The following NEDD1 variants were observed in gnomAD, a reference collection of about 807,000 sequenced individuals.
NEDD1 encodes protein NEDD1.
Under a neutral mutation model 74.0 loss-of-function variants are expected in NEDD1, and 33 were observed. The ratio of observed to expected loss-of-function variants is 0.45; its 90% CI spans 0.34 to 0.60. NEDD1 has a LOEUF of 0.60. Among genes scored for constraint, NEDD1 ranks in the 20% least tolerant of loss-of-function variants. NEDD1 has a pLI of 0.01. For synonymous variants in NEDD1, 250 were observed against 264.4 expected, an observed-to-expected ratio of 0.95 and a Z score of 0.53; for missense variants, 746 against 776.5, an observed-to-expected ratio of 0.96 and a Z score of 0.47.
At chr12:96,930,298 A>G (rs190903940) in intron 6 of NEDD1, among the ~76,000 whole-genome samples, 12 of 150,522 alleles carry the variant, frequency 8.0e-5, no homozygotes, top group African/African-American at 2.9e-4. Flanking sequence ...GTCATTCTCT[A>G]GGAGAACTCA....
At chr12:96,911,728 G>A (rs981712632) in intron 3 of NEDD1, among the ~76,000 whole-genome samples, 11 of 152,106 alleles carry the variant, frequency 7.2e-5, no homozygotes, top group Admixed American at 6.5e-4. Flanking sequence ...ACAGGAAGAA[G>A]TCAAGGAAAG....
At chr12:96,946,434 C>T (rs145290611) in intron 14 of NEDD1, among the ~76,000 whole-genome samples, 5 of 151,936 alleles carry the variant, frequency 3.3e-5, no homozygotes, top group African/African-American at 1.2e-4. Flanking sequence ...TGCCTTTTTT[C>T]CTTTCTAACC....
rs1463730055 is a variant in NEDD1, at chr12:96,953,653, AAGT to A, written c.*1602_*1604del. ...ATTTTTGTCATGGAATTTAAAAGCT[AAGT>A]AAGTATAAAAAATAAAATGTTATAT... On this transcript the variant is annotated 3_prime_UTR_variant, in exon 16 of 16. Coordinates refer to ENST00000266742, the MANE Select transcript of NEDD1 (RefSeq NM_152905.4). The A allele has an allele frequency of 1.3e-5, 2 of 151,880 alleles. No homozygotes were observed. The highest frequency in any genetic ancestry group is 4.1e-4 in the South Asian group (2 of 4,828). 9.4% of individuals were successfully genotyped at this position (151,880 alleles called of 1,614,324 possible). A position where few individuals can be genotyped will look rare whatever the true frequency, so the allele number is the denominator to read the frequency against.
intron 14 of NEDD1, among the ~76,000 whole-genome samples, chr12:96,947,422 A>G (rs553090419): frequency 7.0e-4 from 106 of 152,286 alleles, no homozygotes; most frequent in African/African-American, 2.3e-3. Flanking sequence ...ATGATCATAC[A>G]TTCTAGGAAT....
rs758497116 is a variant in NEDD1 at position 96,945,756 on chromosome 12, A to G, written c.1718A>G (p.Asp573Gly). The G allele has an allele frequency of 1.2e-6, 2 of 1,608,534 alleles. No individual in the cohort carries two copies. The highest frequency in any genetic ancestry group is 1.7e-5 in the Admixed American group (1 of 60,002). The change falls in exon 14 of 16, where the codon GAC becomes GGC. Residue 573 changes from aspartate to glycine, a missense_variant. By Grantham distance (94) the Asp-to-Gly change is moderately conservative. Around this residue, in one of 3 missense-constraint regions of NEDD1, gnomAD observed 706 missense variants for 706.7 expected, o/e 1.00. Coordinates refer to ENST00000266742, the MANE Select transcript of NEDD1 (RefSeq NM_152905.4). Reference protein sequence around the residue: ...VASSLSEKIADSIGNNRQNAP... With the variant: ...VASSLSEKIAGSIGNNRQNAP... The stretch of plus-strand genomic sequence containing the variant: ...AGTTCACTCTCAGAAAAAATAGCCG[A>G]CAGCATTGGAAATAACCGGCAAAAT...
intron 9 of NEDD1, 147 bp downstream of exon 9, chr12:96,937,540 C>T: frequency 2.2e-6 from 1 of 453,070 alleles, no homozygotes; most frequent in Non-Finnish European, 3.9e-6. Flanking sequence ...AAGTGAAAAT[C>T]ATTGAAGAAG....
rs1874586728 is a variant in NEDD1, at chr12:96,917,486, A to C, written c.232-135A>C. 3 of 1,009,964 alleles carry C rather than the reference A, an allele frequency of 3.0e-6. No individual in the cohort carries two copies. The South Asian group carries it at 1.2e-4, about 39-fold the overall frequency. 62.6% of individuals were successfully genotyped at this position (1,009,964 alleles called of 1,614,324 possible). On this transcript the variant is annotated intron_variant, in intron 4 of 15. Coordinates refer to ENST00000266742, the MANE Select transcript of NEDD1 (RefSeq NM_152905.4). ...AAAGACGATGAGAGAGTGGCTCTTT[A>C]GTACAAGATTAGCATGTTTATAGTA...
chr12:96,939,609 C>A (rs913601225), intron 9 of NEDD1, among the ~76,000 whole-genome samples: 3 of 152,008 alleles, frequency 2.0e-5, no homozygotes, highest in African/African-American at 7.2e-5. Context: ...TGCTACCAAT[C>A]CTGATGGCAG....
chr12:96,909,654 T>G, intron 2 of NEDD1, 98 bp from the exon 3 acceptor site: 72 of 920,936 alleles, frequency 7.8e-5, no homozygotes, highest in Non-Finnish European at 1.1e-4. Flanking sequence ...CAAAAATGAA[T>G]GAGTTAGAGC....
chr12:96,940,373 G>A lies in NEDD1; in HGVS notation c.1118-36G>A, dbSNP rs766644732. 3.8e-6 allele frequency: 5 copies of A among 1,332,364 alleles called. No homozygotes were observed. In the South Asian group the frequency reaches 6.9e-5, roughly 18 times the overall value. 82.5% of individuals were successfully genotyped at this position (1,332,364 alleles called of 1,614,324 possible). On this transcript the variant is annotated intron_variant, in intron 9 of 15. Transcript: ENST00000266742. ...AGCTTATGATAAAATTTATTTAGATGTAATAACATTGATTTTTATATCTAA... is the reference window on the plus strand; with the variant it reads ...AGCTTATGATAAAATTTATTTAGATATAATAACATTGATTTTTATATCTAA...
chr12:96,940,126 C>T (rs1439176083), intron 9 of NEDD1, among the ~76,000 whole-genome samples: 1 of 151,942 alleles, frequency 6.6e-6, no homozygotes, highest in Non-Finnish European at 1.5e-5. Flanking sequence ...AACAAAATGG[C>T]TAAAATAAGG....
At chr12:96,944,984 T>G (rs1463213322) in intron 13 of NEDD1, among the ~76,000 whole-genome samples, 189 bp downstream of exon 13, 1 of 152,130 alleles carries the variant, frequency 6.6e-6, no homozygotes, top group African/African-American at 2.4e-5. Context: ...TAAATTCAGG[T>G]ACGTTGATTT....
rs114936675 is a variant in NEDD1 at position 96,953,407 on chromosome 12, A to C, written c.*1354A>C. 6.6e-6 allele frequency: 1 copy of C among 151,884 alleles called. No individual in the cohort carries two copies. Among genetic ancestry groups the C allele is most frequent in the African/African-American group, 2.4e-5 (1 of 41,516 alleles). 9.4% of individuals were successfully genotyped at this position (151,884 alleles called of 1,614,324 possible). ...TGAAGCATATAGGGATGTTAATGTG[A>C]TCTTTTCCTGACAGATTATGAAAGC... On this transcript the variant is annotated 3_prime_UTR_variant, in exon 16 of 16. Transcript: ENST00000266742.
At chr12:96,917,558 G>T in intron 4 of NEDD1, 63 bp from the exon 5 acceptor site, 1 of 1,446,094 alleles carries the variant, frequency 6.9e-7, no homozygotes, top group Non-Finnish European at 9.1e-7. Context: ...TGTTGGATGA[G>T]ACCTGAAAGT....
At chr12:96,909,947 G>T in intron 3 of NEDD1, 52 bp downstream of exon 3, 1 of 1,555,576 alleles carries the variant, frequency 6.4e-7, no homozygotes, top group Non-Finnish European at 8.7e-7. Flanking sequence ...CCGCTTATTA[G>T]GTTAAACAAC....
chr12:96,920,929 T>G (rs1875010677), intron 6 of NEDD1, among the ~76,000 whole-genome samples: 1 of 151,480 alleles, frequency 6.6e-6, no homozygotes, highest in Non-Finnish European at 1.5e-5. Context: ...AAAGTCTTTT[T>G]TAAGTTTCAT....
intron 6 of NEDD1, among the ~76,000 whole-genome samples, chr12:96,928,556 C>T (rs1352124499): frequency 6.6e-6 from 1 of 151,438 alleles, no homozygotes; most frequent in East Asian, 1.9e-4. Context: ...CCTTTTAAGT[C>T]ACTAGTTTTT....
chr12:96,941,121 A>T (rs146051503), intron 10 of NEDD1, among the ~76,000 whole-genome samples: 1 of 152,118 alleles, frequency 6.6e-6, no homozygotes, highest in Non-Finnish European at 1.5e-5. Context: ...TATTAATAAC[A>T]TGGATACATT....
intron 5 of NEDD1, 89 bp from the exon 6 acceptor site, chr12:96,919,896 A>G (rs913769944): frequency 3.8e-6 from 3 of 786,576 alleles, no homozygotes; most frequent in African/African-American, 3.5e-5. Flanking sequence ...AGATTGATAA[A>G]TACATAATGT....
Sources: gnomAD v4.1 joint callset for allele counts (sites outside exome capture counted in the v4.1 genomes callset) on GRCh38, gnomAD v4.1.1 for gene constraint, gnomAD v4.1.1 regional missense constraint, MANE v1.5 for transcripts, NCBI Gene and HGNC (gene_info 2026-07-23, HGNC 2026-07-21) for gene names.